Variants in TXNDC5 observed in about 807,000 individuals in gnomAD.
TXNDC5 encodes thioredoxin domain containing 5.
Under a neutral mutation model 52.6 loss-of-function variants are expected in TXNDC5, and 44 were observed. That is an observed-to-expected ratio of 0.84 (90% confidence interval 0.66 to 1.08). The LOEUF (loss-of-function observed/expected upper bound fraction) is 1.08, where lower values mean the gene tolerates loss of function less well. Ranked by LOEUF, TXNDC5 falls within the 50% of genes least tolerant of loss-of-function variation. The pLI is 0.00. For synonymous variants in TXNDC5, 241 were observed against 234.4 expected, an observed-to-expected ratio of 1.03 and a Z score of -0.26; for missense variants, 600 against 565.5, an observed-to-expected ratio of 1.06 and a Z score of -0.62.
At chr6:7,888,995 A>C in intron 6 of TXNDC5, 147 bp from the exon 7 acceptor site, 1 of 1,042,930 alleles carries the variant, frequency 9.6e-7, no homozygotes, top group South Asian at 1.7e-5. Context: ...TTTAGACGGG[A>C]ATGTAGAGAG....
intron 1 of TXNDC5, among the ~76,000 whole-genome samples, chr6:7,906,728 C>T (rs1012823780): frequency 6.0e-5 from 9 of 149,544 alleles, no homozygotes; most frequent in Non-Finnish European, 4.4e-5. Context: ...GTAGATTCAA[C>T]AAAGTGAGTT....
chr6:7,894,976 T>C, intron 4 of TXNDC5, 130 bp downstream of exon 4: 2 of 1,459,230 alleles, frequency 1.4e-6, no homozygotes, highest in Non-Finnish European at 1.8e-6. Context: ...CAACAGCTCC[T>C]CTAGAGTGAC....
intron 4 of TXNDC5, among the ~76,000 whole-genome samples, chr6:7,892,349 C>T (rs1336341943): frequency 6.6e-6 from 1 of 152,244 alleles, no homozygotes; most frequent in Non-Finnish European, 1.5e-5. Flanking sequence ...TTAGCAAAGT[C>T]TGGACCACGG....
intron 7 of TXNDC5, among the ~76,000 whole-genome samples, chr6:7,886,522 C>T (rs1003805192): frequency 6.6e-6 from 1 of 152,202 alleles, no homozygotes; most frequent in Non-Finnish European, 1.5e-5. Flanking sequence ...GTGACATCCT[C>T]TCTATGCAAC....
In TXNDC5 at chr6:7,889,587, A is replaced by T; in HGVS notation, c.733-6T>A. The T allele has an allele frequency of 6.2e-7, 1 of 1,601,050 alleles. No individual in the cohort carries two copies. Among genetic ancestry groups the T allele is most frequent in the Non-Finnish European group, 8.6e-7 (1 of 1,168,914 alleles). Reference sequence around the variant, plus strand: ...TAGTGCTGTGTACAATCAACCTGAGAATAAAAGCAGATCAACTTCCCAGTC... The same window carrying T: ...TAGTGCTGTGTACAATCAACCTGAGTATAAAAGCAGATCAACTTCCCAGTC... On this transcript the variant is annotated splice_region_variant and splice_polypyrimidine_tract_variant and intron_variant, in intron 5 of 9. Coordinates refer to ENST00000379757, the MANE Select transcript of TXNDC5 (RefSeq NM_030810.5).
At chr6:7,901,610 T>C (rs1246407250) in intron 2 of TXNDC5, among the ~76,000 whole-genome samples, 1 of 152,198 alleles carries the variant, frequency 6.6e-6, no homozygotes, top group African/African-American at 2.4e-5. Flanking sequence ...GGTCCAGACC[T>C]TGCAGTGAGT....
At chr6:7,889,460 TGAA>T in intron 6 of TXNDC5, 32 bp downstream of exon 6, 2 of 1,584,700 alleles carry the variant, frequency 1.3e-6, no homozygotes, top group East Asian at 2.3e-5. Flanking sequence ...GGTTAAGAGA[TGAA>T]GAATTCTCAG....
intron 3 of TXNDC5, among the ~76,000 whole-genome samples, chr6:7,898,100 G>A (rs1303845058): frequency 6.6e-6 from 1 of 150,750 alleles, no homozygotes; most frequent in African/African-American, 2.4e-5. Context: ...TTGCTCTGTT[G>A]CATAGGCTGG....
At chr6:7,906,015 G>A (rs1760716788) in intron 1 of TXNDC5, among the ~76,000 whole-genome samples, 1 of 152,204 alleles carries the variant, frequency 6.6e-6, no homozygotes, top group South Asian at 2.1e-4. Flanking sequence ...CAAGGCAGGA[G>A]AGCTGCTTGA....
At chr6:7,910,212 G>A in intron 1 of TXNDC5, 1 of 936,032 alleles carries the variant, frequency 1.1e-6, no homozygotes. Context: ...TCCCGACCCG[G>A]AGCCCCAAGC....
intron 2 of TXNDC5, among the ~76,000 whole-genome samples, chr6:7,900,812 G>A (rs923430501): frequency 6.6e-6 from 1 of 152,016 alleles, no homozygotes; most frequent in Non-Finnish European, 1.5e-5. Flanking sequence ...AACTCTCTGG[G>A]GCCTCTTTCA....
At chr6:7,892,276 A>G (rs992977337) in intron 4 of TXNDC5, among the ~76,000 whole-genome samples, 4 of 152,230 alleles carry the variant, frequency 2.6e-5, no homozygotes. Flanking sequence ...CCCAGACCCA[A>G]CTACCAATTT....
chr6:7,899,745 AT>A, intron 2 of TXNDC5, 64 bp from the exon 3 acceptor site: 1 of 1,324,964 alleles, frequency 7.5e-7, no homozygotes, highest in Non-Finnish European at 1.1e-6. Flanking sequence ...GAGCAAACTC[AT>A]TTAGTGAAAC....
chr6:7,889,650 G>T (rs1251958851), intron 5 of TXNDC5, 69 bp from the exon 6 acceptor site: 2 of 1,211,130 alleles, frequency 1.7e-6, no homozygotes, highest in African/African-American at 1.5e-5. Flanking sequence ...GGGGCTACTG[G>T]ACACTTTGTA....
Position 7,910,755 on chromosome 6 carries a change from G to C in TXNDC5, c.22C>G (p.Leu8Val), listed in dbSNP as rs1487587772. ...GCCGGCCGGGCCAGCAGCGGGAGGAGGCGTCCTGGGCGCGCGGGCATCGCG... is the reference window on the plus strand; with the variant it reads ...GCCGGCCGGGCCAGCAGCGGGAGGACGCGTCCTGGGCGCGCGGGCATCGCG... MPARPGRLLPLLARPAAL... is the reference protein window; with the variant it reads MPARPGRVLPLLARPAAL... Residue 8 changes from leucine to valine, a missense_variant, in exon 1 of 10, where the codon CTC (leucine) becomes GTC (valine). By Grantham distance (32) the Leu-to-Val change is conservative. Transcript: ENST00000379757. 5 of 1,000,146 alleles carry C rather than the reference G, an allele frequency of 5.0e-6. No homozygotes were observed. The highest frequency in any genetic ancestry group is 5.9e-6 in the Non-Finnish European group (5 of 842,208). 62.0% of individuals were successfully genotyped at this position (1,000,146 alleles called of 1,614,324 possible).
intron 6 of TXNDC5, chr6:7,889,183 C>T (rs1417452085): frequency 4.5e-6 from 2 of 444,348 alleles, no homozygotes; most frequent in East Asian, 3.8e-5. Context: ...CAGAACCGGA[C>T]CAAGTGCAAG....
chr6:7,908,788 G>A (rs892444080), intron 1 of TXNDC5, among the ~76,000 whole-genome samples: 21 of 152,248 alleles, frequency 1.4e-4, no homozygotes, highest in African/African-American at 4.6e-4. Context: ...AGTGAGCTGC[G>A]GCTGCGTACC....
Position 7,910,154 on chromosome 6 carries a change from G to A in TXNDC5, c.263+360C>T, listed in dbSNP as rs1246030146. 6 of 987,620 alleles carry A rather than the reference G, an allele frequency of 6.1e-6. No homozygotes were observed. The East Asian group carries it at 6.8e-4, about 112-fold the overall frequency. 61.2% of individuals were successfully genotyped at this position (987,620 alleles called of 1,614,324 possible). On this transcript the variant is annotated intron_variant, in intron 1 of 9. Transcript: ENST00000379757. ...CCCCTCCTCCCGCACCGCCCCGGCC[G>A]CCGAGCGCCACGTCAGCCGCCAGTG...
chr6:7,909,958 C>T, intron 1 of TXNDC5: 3 of 986,122 alleles, frequency 3.0e-6, no homozygotes, highest in Non-Finnish European at 3.6e-6. Flanking sequence ...CCGGCCGGCA[C>T]AGGAAGTTTG....
Sources: allele counts gnomAD v4.1 joint callset (sites outside exome capture counted in the v4.1 genomes callset), GRCh38; gene constraint gnomAD v4.1.1; transcripts MANE v1.5; gene names NCBI Gene and HGNC (gene_info 2026-07-23, HGNC 2026-07-21).